Variants in OPCML observed in about 807,000 individuals in gnomAD.
OPCML encodes the protein opioid-binding protein/cell adhesion molecule.
In OPCML, 13 loss-of-function variants were observed where a neutral mutation model predicts 37.8. The observed-to-expected ratio is 0.34, with a 90% CI of 0.22 to 0.55. OPCML has a LOEUF of 0.55. Among genes scored for constraint, OPCML ranks in the 20% least tolerant of loss-of-function variants. OPCML has a pLI of 0.91. For missense variants in OPCML, 341 were observed against 435.6 expected (o/e 0.78, Z 1.93); for synonymous variants, 176 against 168.8 (o/e 1.04, Z -0.33).
intron 2 of OPCML, among the ~76,000 whole-genome samples, chr11:132,878,485 C>T (rs1237549301): frequency 6.6e-6 from 1 of 152,208 alleles, no homozygotes; most frequent in African/African-American, 2.4e-5. Context: ...AGTCTTCTGC[C>T]TTCAGGCTGA....
At chr11:132,434,644 A>T (rs59882561) in intron 7 of OPCML, among the ~76,000 whole-genome samples, 15,397 of 152,232 alleles carry the variant, frequency 0.1, 1,482 homozygotes, top group African/African-American at 0.24. Context: ...CATGATGCCT[A>T]GAAACCAGTA....
chr11:132,596,506 A>G (rs2096492689), intron 3 of OPCML, among the ~76,000 whole-genome samples: 1 of 152,224 alleles, frequency 6.6e-6, no homozygotes, highest in South Asian at 2.1e-4. Flanking sequence ...AATGACAGAC[A>G]GAGAAGTTTG....
intron 1 of OPCML, among the ~76,000 whole-genome samples, chr11:133,002,808 T>C (rs1947033146): frequency 6.6e-6 from 1 of 151,906 alleles, no homozygotes; most frequent in African/African-American, 2.4e-5. Flanking sequence ...GAGAGATTGA[T>C]CGTAGGTTGT....
chr11:133,501,328 C>T (rs903267184), intron 1 of OPCML, among the ~76,000 whole-genome samples: 20 of 152,150 alleles, frequency 1.3e-4, no homozygotes, highest in Admixed American at 3.3e-4. Context: ...TCCAAACACA[C>T]GTCATGACCT....
chr11:132,619,374 G>GT (rs1229467159), intron 3 of OPCML, among the ~76,000 whole-genome samples: 3 of 152,250 alleles, frequency 2.0e-5, no homozygotes, highest in African/African-American at 7.2e-5. Flanking sequence ...AGACTGCACT[G>GT]TTTATGTTCA....
chr11:132,685,331 A>G (rs1943119249), intron 2 of OPCML, among the ~76,000 whole-genome samples: 1 of 152,242 alleles, frequency 6.6e-6, no homozygotes, highest in South Asian at 2.1e-4. Flanking sequence ...AGACCTAAAA[A>G]TGTTGAGAGA....
At chr11:132,982,020 T>C (rs1379199206) in intron 1 of OPCML, among the ~76,000 whole-genome samples, 2 of 152,168 alleles carry the variant, frequency 1.3e-5, no homozygotes, top group Admixed American at 1.3e-4. Context: ...CAGAACTCTT[T>C]CCAATGCATA....
chr11:132,673,020 T>A (rs1565764243), intron 2 of OPCML, among the ~76,000 whole-genome samples: 1 of 151,566 alleles, frequency 6.6e-6, no homozygotes, highest in Non-Finnish European at 1.5e-5. Flanking sequence ...TTGTCAAGCT[T>A]AAAAAAAAAT....
At chr11:133,443,687 C>T (rs1434343545) in intron 1 of OPCML, among the ~76,000 whole-genome samples, 1 of 152,138 alleles carries the variant, frequency 6.6e-6, no homozygotes, top group Non-Finnish European at 1.5e-5. Flanking sequence ...GTATGTTAAG[C>T]GTTGTGTGTG....
chr11:132,837,394 C>T (rs73041437), intron 2 of OPCML, among the ~76,000 whole-genome samples: 10,171 of 152,162 alleles, frequency 0.067, 389 homozygotes, highest in Non-Finnish European at 0.075. Context: ...CTTTCAGTGG[C>T]CTTCTACTTC....
At chr11:133,469,633 C>T (rs1947059659) in intron 1 of OPCML, among the ~76,000 whole-genome samples, 1 of 152,152 alleles carries the variant, frequency 6.6e-6, no homozygotes, top group African/African-American at 2.4e-5. Context: ...GAGGAGTTCT[C>T]ATTGCTTTCA....
intron 2 of OPCML, among the ~76,000 whole-genome samples, chr11:132,659,487 G>A (rs959456844): frequency 3.3e-5 from 5 of 152,164 alleles, no homozygotes; most frequent in African/African-American, 4.8e-5. Context: ...AGTGAAGGGC[G>A]TGATGTTCCA....
chr11:133,113,221 T>C (rs1949284082), intron 1 of OPCML, among the ~76,000 whole-genome samples: 1 of 152,112 alleles, frequency 6.6e-6, no homozygotes, highest in Admixed American at 6.5e-5. Flanking sequence ...ATCTGCCTTA[T>C]TTTGGATCTG....
chr11:132,873,096 C>T (rs1942872423), intron 2 of OPCML, among the ~76,000 whole-genome samples: 1 of 152,262 alleles, frequency 6.6e-6, no homozygotes, highest in Middle Eastern at 3.4e-3. Flanking sequence ...CTGAGGCTAC[C>T]TTTCAGGCTG....
intron 1 of OPCML, among the ~76,000 whole-genome samples, chr11:133,040,004 G>A (rs1424801421): frequency 2.6e-5 from 4 of 151,660 alleles, no homozygotes; most frequent in South Asian, 2.1e-4. Flanking sequence ...ACTACAGCCT[G>A]AGTGACAGCA....
chr11:133,349,899 C>T (rs948326792), intron 1 of OPCML, among the ~76,000 whole-genome samples: 1 of 152,128 alleles, frequency 6.6e-6, no homozygotes, highest in East Asian at 1.9e-4. Context: ...TTCCCTGTAC[C>T]CTGGCCTCCT....
At chr11:132,586,779 T>A (rs1439911544) in intron 3 of OPCML, among the ~76,000 whole-genome samples, 1 of 152,152 alleles carries the variant, frequency 6.6e-6, no homozygotes, top group Non-Finnish European at 1.5e-5. Context: ...AGAGAAGGAA[T>A]GAACCCTGCA....
chr11:133,412,416 G>A (rs1310287742), intron 1 of OPCML, among the ~76,000 whole-genome samples: 1 of 152,180 alleles, frequency 6.6e-6, no homozygotes, highest in African/African-American at 2.4e-5. Flanking sequence ...CATGTGGCAT[G>A]GGCACGGTTC....
intron 1 of OPCML, among the ~76,000 whole-genome samples, chr11:133,204,026 C>G (rs1938918821): frequency 7.9e-6 from 1 of 126,890 alleles, no homozygotes; most frequent in African/African-American, 3.1e-5. Flanking sequence ...CCACTGCATT[C>G]CAGCCTGGGG....
Sources: allele counts gnomAD v4.1 joint callset (sites outside exome capture counted in the v4.1 genomes callset), GRCh38; gene constraint gnomAD v4.1.1; transcripts MANE v1.5; gene names NCBI Gene and HGNC (gene_info 2026-07-23, HGNC 2026-07-21).